Variants in SNTG1 observed in about 807,000 individuals in gnomAD.
The protein encoded by SNTG1 is gamma-1-syntrophin.
A neutral mutation model predicts 74.7 loss-of-function variants in SNTG1; 39 were observed. The ratio of observed to expected loss-of-function variants is 0.52; its 90% CI spans 0.40 to 0.68. SNTG1 has a LOEUF of 0.68. SNTG1 is among the 30% of genes least tolerant of loss of function. SNTG1 has a pLI of 0.00. For missense variants in SNTG1, 685 were observed against 609.5 expected, an observed-to-expected ratio of 1.12 and a Z score of -1.30; for synonymous variants, 254 against 217.1, an observed-to-expected ratio of 1.17 and a Z score of -1.49.
intron 11 of SNTG1, among the ~76,000 whole-genome samples, chr8:50,549,798 C>T (rs1457975965): frequency 6.6e-6 from 1 of 152,080 alleles, no homozygotes; most frequent in African/African-American, 2.4e-5. Context: ...TTTTGCTTTC[C>T]CTTACCTGCC....
intron 2 of SNTG1, among the ~76,000 whole-genome samples, chr8:50,327,891 A>G (rs1316490500): frequency 1.3e-5 from 2 of 152,172 alleles, no homozygotes; most frequent in South Asian, 2.1e-4. Flanking sequence ...AATCTAAAGC[A>G]ACTTCAAATA....
intron 1 of SNTG1, among the ~76,000 whole-genome samples, chr8:50,132,120 G>A (rs938848749): frequency 6.6e-6 from 1 of 152,012 alleles, no homozygotes; most frequent in Non-Finnish European, 1.5e-5. Context: ...GATGCCTCTA[G>A]CTTTGTTATT....
intron 2 of SNTG1, among the ~76,000 whole-genome samples, chr8:50,355,597 T>G (rs1271454693): frequency 6.6e-6 from 1 of 152,174 alleles, no homozygotes; most frequent in Non-Finnish European, 1.5e-5. Context: ...TTTGAATGAT[T>G]GGTTGAAAAT....
intron 2 of SNTG1, chr8:50,382,194 C>T (rs925769770): frequency 6.6e-6 from 1 of 152,016 alleles, no homozygotes; most frequent in Non-Finnish European, 1.5e-5. Context: ...AGGATCAATA[C>T]TTTGTATCCC....
chr8:50,287,205 T>A (rs1333300313), intron 2 of SNTG1, among the ~76,000 whole-genome samples: 1 of 152,272 alleles, frequency 6.6e-6, no homozygotes, highest in Admixed American at 6.5e-5. Flanking sequence ...TCTAACTTTT[T>A]ACTTACTGCC....
At chr8:50,689,286 T>C (rs1475556782) in intron 15 of SNTG1, among the ~76,000 whole-genome samples, 2 of 152,168 alleles carry the variant, frequency 1.3e-5, no homozygotes, top group African/African-American at 2.4e-5. Context: ...TCCAACACTA[T>C]GTTGAATAGG....
intron 1 of SNTG1, among the ~76,000 whole-genome samples, chr8:50,087,779 AT>A (rs200024932): frequency 0.015 from 2,351 of 151,962 alleles, 24 homozygotes; most frequent in Middle Eastern, 0.048. Context: ...TTTATTTTTT[AT>A]TTATTTATTT....
At chr8:50,627,126 T>C (rs1377782896) in intron 13 of SNTG1, among the ~76,000 whole-genome samples, 1 of 152,204 alleles carries the variant, frequency 6.6e-6, no homozygotes, top group Non-Finnish European at 1.5e-5. Context: ...AACACCTCTC[T>C]TCATTTTGTT....
intron 2 of SNTG1, among the ~76,000 whole-genome samples, chr8:50,281,254 C>T (rs1273836119): frequency 6.6e-6 from 1 of 152,032 alleles, no homozygotes; most frequent in Non-Finnish European, 1.5e-5. Flanking sequence ...TAATGCTGGT[C>T]AGTTGTGCCT....
chr8:50,687,028 G>T, intron 15 of SNTG1, among the ~76,000 whole-genome samples: 1 of 151,362 alleles, frequency 6.6e-6, no homozygotes. Flanking sequence ...CCAGCTGCTC[G>T]GGAGGCTGAG....
intron 1 of SNTG1, among the ~76,000 whole-genome samples, chr8:49,938,554 TTTG>T (rs1377527044): frequency 2.4e-5 from 1 of 41,420 alleles, no homozygotes; most frequent in African/African-American, 1.0e-4. Flanking sequence ...CTTCTTTTCT[TTTG>T]TTTTCTTTTC....
At chr8:50,156,131 A>G (rs984305069) in intron 1 of SNTG1, among the ~76,000 whole-genome samples, 2 of 152,148 alleles carry the variant, frequency 1.3e-5, no homozygotes, top group Non-Finnish European at 2.9e-5. Context: ...TTAAGACTTC[A>G]TCCTTTGCCC....
chr8:50,363,327 G>A lies in SNTG1; in HGVS notation c.-27-30885G>A, dbSNP rs369471865. On this transcript the variant is annotated intron_variant, in intron 2 of 18. Coordinates refer to ENST00000642720, the MANE Select transcript of SNTG1 (RefSeq NM_018967.5). ...TAACTCTTTTTTTGATAGTGCAAAG[G>A]TGGTGAATCTGGGAGGTAACAGTTG... 1.0e-3 allele frequency among the ~76,000 whole-genome samples: 158 copies of A among 152,262 alleles called. 1 individual carries two copies. The highest frequency in any genetic ancestry group is 3.3e-3 in the African/African-American group (139 of 41,552).
At chr8:50,661,597 G>A (rs947214229) in intron 15 of SNTG1, among the ~76,000 whole-genome samples, 10 of 151,932 alleles carry the variant, frequency 6.6e-5, no homozygotes, top group East Asian at 5.8e-4. Flanking sequence ...GTTTTGTTAC[G>A]TAGGTATACA....
chr8:50,541,567 T>C (rs1241846506), intron 11 of SNTG1, among the ~76,000 whole-genome samples: 4 of 152,146 alleles, frequency 2.6e-5, no homozygotes, highest in African/African-American at 9.7e-5. Context: ...TTAGAATACA[T>C]GTGATCATTT....
At chr8:50,752,471 T>C (rs1238265122) in intron 18 of SNTG1, among the ~76,000 whole-genome samples, 1 of 151,946 alleles carries the variant, frequency 6.6e-6, no homozygotes, top group Non-Finnish European at 1.5e-5. Context: ...TTTACATAAA[T>C]TTATATATTT....
chr8:50,007,812 T>C (rs1815385054), intron 1 of SNTG1, among the ~76,000 whole-genome samples: 1 of 152,036 alleles, frequency 6.6e-6, no homozygotes, highest in Non-Finnish European at 1.5e-5. Flanking sequence ...ATTGGGTAAT[T>C]TATTTAAAAA....
At chr8:50,286,066 G>C (rs57879337) in intron 2 of SNTG1, among the ~76,000 whole-genome samples, 10,551 of 151,490 alleles carry the variant, frequency 0.07, 852 homozygotes, top group African/African-American at 0.18. Flanking sequence ...ACATGTTTTG[G>C]CGTTTTTTCT....
At chr8:50,420,999 T>G (rs1430916876) in intron 4 of SNTG1, among the ~76,000 whole-genome samples, 4 of 116,774 alleles carry the variant, frequency 3.4e-5, no homozygotes, top group Non-Finnish European at 6.4e-5. Flanking sequence ...CACTCCAGCC[T>G]GGCAACAGAG....
Sources: gnomAD v4.1 joint callset for allele counts (sites outside exome capture counted in the v4.1 genomes callset) on GRCh38, gnomAD v4.1.1 for gene constraint, MANE v1.5 for transcripts, NCBI Gene and HGNC (gene_info 2026-07-23, HGNC 2026-07-21) for gene names.